USP29: variants seen among roughly 807,000 people sequenced by gnomAD.
The protein encoded by USP29 is ubiquitin specific peptidase 29.
For synonymous variants in USP29, 386 were observed against 387.4 expected (o/e 1.00, Z 0.04); for missense variants, 1,102 against 1,069.0 (o/e 1.03, Z -0.43).
chr19:57,131,358 G>A lies in USP29; in HGVS notation c.2683G>A (p.Ala895Thr), dbSNP rs185700073. ...GATTTTTGAGGAGCTGTTAAGAAAAGCAGAGAACTCTCGGCTACCTAGCAC... is the reference window on the plus strand; with the variant it reads ...GATTTTTGAGGAGCTGTTAAGAAAAACAGAGAACTCTCGGCTACCTAGCAC... The part of the protein sequence containing the change: ...NGIFEELLRK[A>T]ENSRLPSTQA... Residue 895 changes from alanine (A) to threonine (T), a missense_variant, in exon 4 of 4, where the codon GCA becomes ACA. Physicochemically the swap from Ala to Thr is moderately conservative, Grantham distance 58. Coordinates refer to ENST00000254181, the MANE Select transcript of USP29 (RefSeq NM_020903.3). The A allele has an allele frequency of 1.2e-6, 2 of 1,614,150 alleles. No individual in the cohort carries two copies. Among genetic ancestry groups the A allele is most frequent in the Admixed American group, 1.7e-5 (1 of 60,012 alleles).
In USP29 at chr19:57,128,657, T is replaced by G. The variant is rs940247862; in HGVS notation, c.-16-3T>G. ...AAAATGCATGTGTGCTTTTCTTCTT[T>G]AGGTTACATAAAGAAAGGATGATAT... On this transcript the variant is annotated splice_polypyrimidine_tract_variant and splice_region_variant and intron_variant, in intron 3 of 3. Coordinates refer to ENST00000254181, the MANE Select transcript of USP29 (RefSeq NM_020903.3). 6.5e-7 allele frequency: 1 copy of G among 1,536,340 alleles called. No homozygotes were observed. Among genetic ancestry groups the G allele is most frequent in the Non-Finnish European group, 8.7e-7 (1 of 1,147,388 alleles).
rs1228430808 is a variant in USP29 at position 57,130,474 on chromosome 19, A to C, written c.1799A>C (p.Asn600Thr). Residue 600 changes from asparagine to threonine, a missense_variant, in exon 4 of 4, where the codon AAT becomes ACT. Asn to Thr is a moderately conservative substitution (Grantham distance 65). Transcript: ENST00000254181. ...GTTCTACCCGTTGAACCAGACAAGA[A>C]TGCCGACCTACAAAGATTCCAGAGA... is the stretch of plus-strand genomic sequence containing the variant. Reference protein sequence around the residue: ...SLVLPVEPDKNADLQRFQRDC... With the variant: ...SLVLPVEPDKTADLQRFQRDC... 7 of 1,614,182 alleles carry C rather than the reference A, an allele frequency of 4.3e-6. No individual in the cohort carries two copies. Among genetic ancestry groups the C allele is most frequent in the South Asian group, 3.3e-5 (3 of 91,072 alleles).
chr19:57,130,550 CT>C lies in USP29; in HGVS notation c.1876del (p.Ser626LeufsTer3). 1 of 1,614,144 alleles carries C rather than the reference CT, an allele frequency of 6.2e-7. No homozygotes were observed. On this transcript the variant is annotated frameshift_variant, in exon 4 of 4. Coordinates refer to ENST00000254181, the MANE Select transcript of USP29 (RefSeq NM_020903.3). LOFTEE classifies it low-confidence loss of function (END_TRUNC). ...AGCATCAGAGAGACCTGGAAAATGG[CT>C]CTGCACTAGAGTCAGAATTGGTCCA... ...EQHQRDLENG[S>X]ALESELVHFR... is the part of the protein sequence containing the mutation.
intron 3 of USP29, among the ~76,000 whole-genome samples, chr19:57,126,606 A>G (rs1235122575): frequency 6.6e-6 from 1 of 151,908 alleles, no homozygotes; most frequent in Non-Finnish European, 1.5e-5. Flanking sequence ...TTTCAGCTCC[A>G]TCAGGTCATT....
chr19:57,119,820 C>T (rs59382095), upstream of USP29, among the ~76,000 whole-genome samples: 3,701 of 152,258 alleles, frequency 0.024, 136 homozygotes, highest in African/African-American at 0.083. Context: ...CAGGATGAAC[C>T]CGCCCCTGGG....
chr19:57,119,817 A>G (rs571450889), upstream of USP29, among the ~76,000 whole-genome samples: 53 of 152,250 alleles, frequency 3.5e-4, no homozygotes, highest in African/African-American at 1.2e-3. Context: ...TAACAGGATG[A>G]ACCCGCCCCT....
At chr19:57,120,257 C>CA in intron 1 of USP29, 28 bp downstream of exon 1, 1 of 131,346 alleles carries the variant, frequency 7.6e-6, no homozygotes, top group Non-Finnish European at 1.6e-5. Context: ...CCCATCTCTA[C>CA]AAAAAATTTT....
In USP29 at chr19:57,129,421, A is replaced by G. The variant is rs1485812109; in HGVS notation, c.746A>G (p.Asn249Ser). Reference sequence around the variant, plus strand: ...ACTGTTCTTGCAACCCAGACTCTCAATGCCAAAAATGGTTTGACATCTCCA... The same window carrying G: ...ACTGTTCTTGCAACCCAGACTCTCAGTGCCAAAAATGGTTTGACATCTCCA... The part of the protein sequence containing the change: ...DETVLATQTL[N>S]AKNGLTSPLE... The change falls in exon 4 of 4, where the codon AAT becomes AGT. Residue 249 changes from asparagine to serine, a missense_variant. Asn to Ser is a conservative substitution (Grantham distance 46, BLOSUM62 1). Coordinates refer to ENST00000254181, the MANE Select transcript of USP29 (RefSeq NM_020903.3). 1 of 1,614,072 alleles carries G rather than the reference A, an allele frequency of 6.2e-7. No individual in the cohort carries two copies. Among genetic ancestry groups the G allele is most frequent in the Non-Finnish European group, 8.5e-7 (1 of 1,180,032 alleles).
Position 57,130,223 on chromosome 19 carries a change from C to T in USP29, c.1548C>T (p.Phe516=). 6.2e-7 allele frequency: 1 copy of T among 1,614,122 alleles called. No individual in the cohort carries two copies. Among genetic ancestry groups the T allele is most frequent in the Non-Finnish European group, 8.5e-7 (1 of 1,180,016 alleles). ...TCATTCATCTGAAACGCTATAGCTT[C>T]AACAATGCTTGGTTGCTGGTGAAGA... ...VLIIHLKRYS[F]NNAWLLVKNN... The change falls in exon 4 of 4, where the codon TTC becomes TTT. Residue 516 remains phenylalanine (F), a synonymous_variant. Transcript: ENST00000254181.
At chr19:57,121,626 TTATATATGCTTATATGTTA>T (rs1454712948) in intron 1 of USP29, among the ~76,000 whole-genome samples, 15 of 146,792 alleles carry the variant, frequency 1.0e-4, no homozygotes, top group Non-Finnish European at 1.8e-4. Context: ...TATATGTATG[TTATATATGCTTATATGTTA>T]TATATACTTA....
upstream of USP29, among the ~76,000 whole-genome samples, chr19:57,119,492 C>G (rs1325585322): frequency 6.6e-6 from 1 of 152,108 alleles, no homozygotes; most frequent in Admixed American, 6.5e-5. Flanking sequence ...GCGCCATCTC[C>G]GCTCACTGCA....
At position 57,130,518 on chromosome 19, in the gene USP29, C is replaced by G; in HGVS notation, c.1843C>G (p.Gln615Glu). The change falls in exon 4 of 4, where the codon CAA becomes GAA. Residue 615 changes from glutamine (Q) to glutamate (E), a missense_variant. Physicochemically the swap from Gln to Glu is conservative, Grantham distance 29 (BLOSUM62 2). Transcript: ENST00000254181. Reference sequence around the variant, plus strand: ...CCAGAGAGACTGTGGAGATGCAAGCCAAGAGCAGCATCAGAGAGACCTGGA... The same window carrying G: ...CCAGAGAGACTGTGGAGATGCAAGCGAAGAGCAGCATCAGAGAGACCTGGA... ...RFQRDCGDAS[Q>E]EQHQRDLENG... 6.2e-7 allele frequency: 1 copy of G among 1,614,136 alleles called. No homozygotes were observed. The highest frequency in any genetic ancestry group is 1.3e-5 in the African/African-American group (1 of 75,032).
intron 3 of USP29, among the ~76,000 whole-genome samples, chr19:57,126,456 C>G (rs2086824972): frequency 6.6e-6 from 1 of 152,018 alleles, no homozygotes; most frequent in African/African-American, 2.4e-5. Flanking sequence ...TTGTTCATTC[C>G]TTTTCATTCT....
intron 3 of USP29, among the ~76,000 whole-genome samples, chr19:57,125,759 T>C (rs185480502): frequency 6.6e-6 from 1 of 152,240 alleles, no homozygotes; most frequent in East Asian, 1.9e-4. Flanking sequence ...ATTTAGCCCA[T>C]TTACATTTAA....
In USP29 at chr19:57,131,233, G is replaced by C; in HGVS notation, c.2558G>C (p.Trp853Ser). 2 of 1,614,190 alleles carry C rather than the reference G, an allele frequency of 1.2e-6. No homozygotes were observed. Among genetic ancestry groups the C allele is most frequent in the East Asian group, 4.5e-5 (2 of 44,884 alleles). The stretch of plus-strand genomic sequence containing the variant: ...GTGTATGACTTTCAGAAGCAGGCCT[G>C]GTTCACATACAACGATCTATGTGTA... ...SDVYDFQKQAWFTYNDLCVSE... is the reference protein window; with the variant it reads ...SDVYDFQKQASFTYNDLCVSE... The change falls in exon 4 of 4, where the codon TGG (tryptophan) becomes TCG (serine). Residue 853 changes from tryptophan to serine, a missense_variant. Transcript: ENST00000254181.
At position 57,130,660 on chromosome 19, in the gene USP29, T is replaced by C. The variant is rs770825632; in HGVS notation, c.1985T>C (p.Met662Thr). ...CAGGGAGACATTTCTCTTCCTGTGA[T>C]GTATGAAGATGGAGGGAAGCTGATC... ...MDQGDISLPV[M>T]YEDGGKLISS... is the part of the protein sequence containing the mutation. The change falls in exon 4 of 4, where the codon ATG becomes ACG. Residue 662 changes from methionine to threonine, a missense_variant. Transcript: ENST00000254181. 2.5e-6 allele frequency: 4 copies of C among 1,614,020 alleles called. No homozygotes were observed. The East Asian group carries it at 6.7e-5, about 27-fold the overall frequency.
At chr19:57,126,018 A>G (rs2086822112) in intron 3 of USP29, among the ~76,000 whole-genome samples, 1 of 152,124 alleles carries the variant, frequency 6.6e-6, no homozygotes, top group African/African-American at 2.4e-5. Context: ...TTCTTCGCTT[A>G]TGAAGCTTAG....
chr19:57,128,919 T>C lies in USP29; in HGVS notation c.244T>C (p.Leu82=). 3 of 1,613,952 alleles carry C rather than the reference T, an allele frequency of 1.9e-6. No individual in the cohort carries two copies. Among genetic ancestry groups the C allele is most frequent in the Non-Finnish European group, 2.5e-6 (3 of 1,179,962 alleles). Residue 82 remains leucine (L), a synonymous_variant, in exon 4 of 4, where the codon TTG becomes CTG. Coordinates refer to ENST00000254181, the MANE Select transcript of USP29 (RefSeq NM_020903.3). The part of the protein sequence containing the change: ...LRLTLKNNVF[L]FIDKLSYRDA... Reference sequence around the variant, plus strand: ...TTTAACTTTGAAAAACAACGTGTTCTTGTTTATTGACAAATTATCCTACAG... The same window carrying C: ...TTTAACTTTGAAAAACAACGTGTTCCTGTTTATTGACAAATTATCCTACAG...
In USP29 at chr19:57,129,647, C is replaced by T. The variant is rs188751159; in HGVS notation, c.972C>T (p.Pro324=). The T allele has an allele frequency of 3.9e-5, 63 of 1,614,128 alleles. No individual in the cohort carries two copies. In the East Asian group the frequency reaches 8.9e-4, roughly 23 times the overall value. Residue 324 remains proline (P), a synonymous_variant, in exon 4 of 4, where the codon CCC becomes CCT. Coordinates refer to ENST00000254181, the MANE Select transcript of USP29 (RefSeq NM_020903.3). The part of the protein sequence containing the change: ...LTQGVPWEYI[P]FEALIMTLTQ... Reference sequence around the variant, plus strand: ...AAGGTGTCCCATGGGAATATATTCCCTTTGAGGCTCTTATTATGACCTTGA... The same window carrying T: ...AAGGTGTCCCATGGGAATATATTCCTTTTGAGGCTCTTATTATGACCTTGA...
Sources: allele counts gnomAD v4.1 joint callset (sites outside exome capture counted in the v4.1 genomes callset), GRCh38; gene constraint gnomAD v4.1.1; transcripts MANE v1.5; gene names NCBI Gene and HGNC (gene_info 2026-07-23, HGNC 2026-07-21).